The following DCLK3 variants were observed in gnomAD, a reference collection of about 807,000 sequenced individuals.
DCLK3 encodes serine/threonine-protein kinase DCLK3.
DCLK3 carries 30 observed loss-of-function variants against 46.4 expected under a neutral mutation model. The observed-to-expected ratio is 0.65, with a 90% CI of 0.48 to 0.88. DCLK3 has a LOEUF of 0.88. Ranked by LOEUF, DCLK3 falls within the 40% of genes least tolerant of loss-of-function variation. The probability of loss-of-function intolerance (pLI) is 0.00; values close to 1 mark genes in which losing one functional copy is unlikely to be tolerated. For missense variants in DCLK3, 846 were observed against 907.1 expected (o/e 0.93, Z 0.87); for synonymous variants, 401 against 339.2 (o/e 1.18, Z -2.00).
intron 1 of DCLK3, among the ~76,000 whole-genome samples, chr3:36,748,474 G>A (rs934454261): frequency 2.0e-5 from 3 of 152,148 alleles, no homozygotes; most frequent in Admixed American, 6.5e-5. Flanking sequence ...CAGGACCCAG[G>A]GCAGCCTCAG....
intron 1 of DCLK3, among the ~76,000 whole-genome samples, chr3:36,746,538 T>C (rs1388293495): frequency 6.6e-6 from 1 of 152,232 alleles, no homozygotes; most frequent in Non-Finnish European, 1.5e-5. Flanking sequence ...CTCATCATTG[T>C]ATCACAGTTC....
chr3:36,749,233 C>T (rs773570969), intron 1 of DCLK3, among the ~76,000 whole-genome samples: 40 of 152,176 alleles, frequency 2.6e-4, no homozygotes, highest in Non-Finnish European at 1.5e-4. Flanking sequence ...ATATACAGGG[C>T]GGCTCTTCGG....
intron 1 of DCLK3, among the ~76,000 whole-genome samples, chr3:36,749,044 A>G (rs903958491): frequency 7.3e-5 from 11 of 151,700 alleles, no homozygotes; most frequent in African/African-American, 2.7e-4. Flanking sequence ...AACTCTCCCA[A>G]CTCACCCATG....
At chr3:36,734,695 C>T (rs922876926) in intron 2 of DCLK3, among the ~76,000 whole-genome samples, 1 of 151,916 alleles carries the variant, frequency 6.6e-6, no homozygotes, top group Non-Finnish European at 1.5e-5. Context: ...CTGTAGTTTG[C>T]CTTCTCTCCC....
At chr3:36,735,951 G>A (rs748682385) in intron 2 of DCLK3, among the ~76,000 whole-genome samples, 1 of 152,228 alleles carries the variant, frequency 6.6e-6, no homozygotes, top group Admixed American at 6.5e-5. Context: ...CCAATAAGAG[G>A]AGGGAGACAG....
At chr3:36,724,230 A>G (rs1422610796) in intron 2 of DCLK3, among the ~76,000 whole-genome samples, 1 of 152,154 alleles carries the variant, frequency 6.6e-6, no homozygotes, top group South Asian at 2.1e-4. Context: ...TATTTACCCA[A>G]CACCTGTACC....
rs202146351 is a variant in DCLK3, at chr3:36,729,235, T to TTG, written c.1960-7578_1960-7577dup. ...GAAAACCTTTCAGGGTTTTCCCGGG[T>TTG]TGTGTGTGTGTGTGGGGGGGGGGGG... On this transcript the variant is annotated intron_variant, in intron 2 of 4. Coordinates refer to ENST00000636136, the MANE Select transcript of DCLK3 (RefSeq NM_001394672.2). Among the ~76,000 whole-genome samples, 216 of 84,656 alleles carry TTG rather than the reference T, an allele frequency of 2.6e-3. 2 individuals carry two copies. Among genetic ancestry groups the TTG allele is most frequent in the Middle Eastern group, 0.012 (2 of 172 alleles). 55.5% of individuals were successfully genotyped at this position (84,656 alleles called of 152,430 possible). A position where few individuals can be genotyped will look rare whatever the true frequency, so the allele number is the denominator to read the frequency against.
chr3:36,744,661 T>C (rs891891398), intron 1 of DCLK3, among the ~76,000 whole-genome samples: 1 of 152,228 alleles, frequency 6.6e-6, no homozygotes, highest in Non-Finnish European at 1.5e-5. Flanking sequence ...ATTTTTCACA[T>C]GTTCATAAAG....
At chr3:36,721,822 AG>A (rs1226008001) in intron 2 of DCLK3, among the ~76,000 whole-genome samples, 163 bp from the exon 3 acceptor site, 4 of 152,242 alleles carry the variant, frequency 2.6e-5, no homozygotes, top group Non-Finnish European at 5.9e-5. Context: ...CTCAATGACA[AG>A]GGCTCACATT....
Position 36,738,504 on chromosome 3 carries a change from G to A in DCLK3, c.663C>T (p.His221=). The part of the protein sequence containing the change: ...RLFSKALKGD[H]RCGETETPKS... ...TGGGGGTCTCGGTCTCCCCACAGCG[G>A]TGGTCTCCTTTCAGAGCCTTGCTAA... The change falls in exon 2 of 5, where the codon CAC becomes CAT. Residue 221 remains histidine, a synonymous_variant. Transcript: ENST00000636136. The A allele has an allele frequency of 6.6e-7, 1 of 1,505,558 alleles. No individual in the cohort carries two copies. The highest frequency in any genetic ancestry group is 1.4e-5 in the South Asian group (1 of 72,756). 93.3% of individuals were successfully genotyped at this position (1,505,558 alleles called of 1,614,324 possible). A position where few individuals can be genotyped will look rare whatever the true frequency, so the allele number is the denominator to read the frequency against.
chr3:36,735,713 A>C (rs1312055585), intron 2 of DCLK3, among the ~76,000 whole-genome samples: 1 of 152,206 alleles, frequency 6.6e-6, no homozygotes, highest in East Asian at 1.9e-4. Flanking sequence ...TGTGACTTTG[A>C]ATGCTTACTC....
intron 2 of DCLK3, among the ~76,000 whole-genome samples, chr3:36,721,901 G>A (rs1701066394): frequency 6.6e-6 from 1 of 152,162 alleles, no homozygotes; most frequent in Non-Finnish European, 1.5e-5. Context: ...ATTGTCACAA[G>A]TGGCTACTTA....
chr3:36,750,474 C>T (rs904772943), intron 1 of DCLK3, among the ~76,000 whole-genome samples: 3 of 152,184 alleles, frequency 2.0e-5, no homozygotes, highest in African/African-American at 7.2e-5. Context: ...ATCCACCAGA[C>T]TAAGAAAGGA....
chr3:36,727,428 C>G (rs1701139315), intron 2 of DCLK3, among the ~76,000 whole-genome samples: 1 of 152,200 alleles, frequency 6.6e-6, no homozygotes, highest in African/African-American at 2.4e-5. Context: ...CTCCACTGAG[C>G]TTGTAGCAGA....
chr3:36,759,353 G>A (rs1371490971), intron 1 of DCLK3, among the ~76,000 whole-genome samples: 3 of 152,110 alleles, frequency 2.0e-5, no homozygotes, highest in African/African-American at 4.8e-5. Context: ...CATTCCAGAC[G>A]AGCCAGAGAG....
chr3:36,754,457 T>A (rs897096915), intron 1 of DCLK3, among the ~76,000 whole-genome samples: 1 of 152,252 alleles, frequency 6.6e-6, no homozygotes, highest in African/African-American at 2.4e-5. Context: ...GGCCTGTCTT[T>A]AACATTACTG....
In DCLK3 at chr3:36,748,631, G is replaced by A. The variant is rs145647685; in HGVS notation, c.83-9547C>T. On this transcript the variant is annotated intron_variant, in intron 1 of 4. Transcript: ENST00000636136. ...CCCTGGGGACTCTGAGGACACTGGC[G>A]GAGGGCACACCAGGCATTAATATTA... Among the ~76,000 whole-genome samples the A allele has an allele frequency of 1.9e-4, 29 of 152,086 alleles. 1 individual carries two copies. In the Middle Eastern group the frequency reaches 0.014, roughly 71 times the overall value.
At chr3:36,746,712 C>G (rs887074144) in intron 1 of DCLK3, among the ~76,000 whole-genome samples, 1 of 152,222 alleles carries the variant, frequency 6.6e-6, no homozygotes, top group African/African-American at 2.4e-5. Context: ...TGAGTTTTTC[C>G]CTGCTGTCAC....
chr3:36,715,296 A>G lies in DCLK3; in HGVS notation c.*32T>C. 1 of 1,612,760 alleles carries G rather than the reference A, an allele frequency of 6.2e-7. No individual in the cohort carries two copies. The highest frequency in any genetic ancestry group is 8.5e-7 in the Non-Finnish European group (1 of 1,179,458). On this transcript the variant is annotated 3_prime_UTR_variant, in exon 5 of 5. Coordinates refer to ENST00000636136, the MANE Select transcript of DCLK3 (RefSeq NM_001394672.2). ...ATCCTTTTCTCTGTCCTTGAGCAGAACTGGGGGCTGGACAGATTCCCAAGG... is the reference window on the plus strand; with the variant it reads ...ATCCTTTTCTCTGTCCTTGAGCAGAGCTGGGGGCTGGACAGATTCCCAAGG...
Sources: allele counts gnomAD v4.1 joint callset (sites outside exome capture counted in the v4.1 genomes callset), GRCh38; gene constraint gnomAD v4.1.1; transcripts MANE v1.5; gene names NCBI Gene and HGNC (gene_info 2026-07-23, HGNC 2026-07-21).